SCAI: variants seen among roughly 807,000 people sequenced by gnomAD.
SCAI encodes protein SCAI.
A neutral mutation model predicts 92.2 loss-of-function variants in SCAI; 24 were observed. The observed-to-expected ratio is 0.26, with a 90% CI of 0.19 to 0.37. The LOEUF (loss-of-function observed/expected upper bound fraction) is 0.37, where lower values mean the gene tolerates loss of function less well. SCAI is among the 10% of genes least tolerant of loss of function. The pLI, the probability that SCAI is intolerant of heterozygous loss-of-function variation, is 1.00. For synonymous variants in SCAI, 261 were observed against 258.6 expected (o/e 1.01, Z -0.09); for missense variants, 450 against 736.2 (o/e 0.61, Z 4.50).
In SCAI at chr9:124,952,488, A is replaced by G. The variant is rs1307827262; in HGVS notation, c.*319T>C. The G allele has an allele frequency of 5.1e-6, 1 of 196,312 alleles. No individual in the cohort carries two copies. 12.2% of individuals were successfully genotyped at this position (196,312 alleles called of 1,614,324 possible). A position where few individuals can be genotyped will look rare whatever the true frequency, so the allele number is the denominator to read the frequency against. ...ATAAGAGTTGGATTTACCTCATTAT[A>G]CAAAAATAAATGATTTACTCTTCTC... On this transcript the variant is annotated 3_prime_UTR_variant, in exon 18 of 18. Transcript: ENST00000336505.
Position 124,946,434 on chromosome 9 carries a change from A to C in SCAI, c.*6373T>G, listed in dbSNP as rs1831146044. 6.6e-6 allele frequency: 1 copy of C among 152,220 alleles called. No individual in the cohort carries two copies. The allele number at this position is 152,220 out of a possible 1,614,324, so 9.4% of individuals were successfully genotyped here. ...TGAGATAATTTCTCTATTTTAAGAT[A>C]ATATTGGATCAGATAGATTTAATCT... On this transcript the variant is annotated 3_prime_UTR_variant, in exon 18 of 18. Transcript: ENST00000336505. The surrounding 1 kb of genome is among the most constrained non-coding windows in gnomAD (Gnocchi z 4.0).
chr9:125,047,005 C>A (rs1833456824), intron 3 of SCAI, among the ~76,000 whole-genome samples: 1 of 152,098 alleles, frequency 6.6e-6, no homozygotes, highest in East Asian at 1.9e-4. Context: ...ACCTTCCCAA[C>A]ACAGGCAGAA....
At chr9:125,081,896 A>G (rs1834226534) in intron 2 of SCAI, among the ~76,000 whole-genome samples, 1 of 152,198 alleles carries the variant, frequency 6.6e-6, no homozygotes, top group African/African-American at 2.4e-5. Context: ...TAAGGGAAGA[A>G]GAACATAAAA....
intron 3 of SCAI, among the ~76,000 whole-genome samples, chr9:125,051,598 C>T (rs1334214432): frequency 6.6e-6 from 1 of 152,102 alleles, no homozygotes; most frequent in Non-Finnish European, 1.5e-5. Context: ...ATAATGTGAT[C>T]ATTACAATGG....
chr9:124,977,120 C>T (rs1199342543), intron 14 of SCAI, among the ~76,000 whole-genome samples: 5 of 152,094 alleles, frequency 3.3e-5, no homozygotes, highest in African/African-American at 1.2e-4. Flanking sequence ...CCACCCACCT[C>T]GGCCTCCCAA....
chr9:125,078,603 T>C (rs1834144649), intron 2 of SCAI, among the ~76,000 whole-genome samples: 1 of 152,030 alleles, frequency 6.6e-6, no homozygotes, highest in Admixed American at 6.6e-5. Flanking sequence ...ACCACCCCTA[T>C]ACTGCCAGCA....
intron 2 of SCAI, among the ~76,000 whole-genome samples, chr9:125,101,383 T>C (rs2131213548): frequency 6.6e-6 from 1 of 151,350 alleles, no homozygotes; most frequent in East Asian, 1.9e-4. Flanking sequence ...GAGTGGAAAA[T>C]AGTTAAATGC....
chr9:125,022,113 GATAT>G (rs1400763134), intron 6 of SCAI, among the ~76,000 whole-genome samples: 1 of 151,828 alleles, frequency 6.6e-6, no homozygotes, highest in Non-Finnish European at 1.5e-5. Flanking sequence ...TTCTTGTCTT[GATAT>G]ATAAATTATT....
At chr9:124,968,825 G>T (rs1423014979) in intron 17 of SCAI, 4 of 672,154 alleles carry the variant, frequency 6.0e-6, no homozygotes, top group Non-Finnish European at 1.1e-5. Context: ...CATAGAGCGG[G>T]GCCAATTCTG....
At chr9:125,002,076 A>C in intron 11 of SCAI, 33 bp from the exon 12 acceptor site, 1 of 1,390,994 alleles carries the variant, frequency 7.2e-7, no homozygotes, top group Non-Finnish European at 1.0e-6. Flanking sequence ...ACACAAAACA[A>C]CAAACAAGGA....
At position 125,130,341 on chromosome 9, in the gene SCAI, T is replaced by C. The variant is rs538740104; in HGVS notation, c.98+12292A>G. On this transcript the variant is annotated intron_variant, in intron 2 of 17. Transcript: ENST00000336505. ...GGAAAAACTGGTCAGTGGTTGCCAA[T>C]TGGTCGGGGGGACAGAAGGGAATTT... Among the ~76,000 whole-genome samples the C allele has an allele frequency of 2.3e-4, 35 of 152,212 alleles. No individual in the cohort carries two copies. The South Asian group carries it at 6.4e-3, about 28-fold the overall frequency.
At chr9:124,971,135 A>G (rs1241286832) in intron 17 of SCAI, 1 of 245,498 alleles carries the variant, frequency 4.1e-6, no homozygotes, top group Non-Finnish European at 7.7e-6. Context: ...CTACTTTTAA[A>G]CAAACGATAG....
Position 125,072,782 on chromosome 9 carries a change from T to C in SCAI, c.99-16775A>G, listed in dbSNP as rs62580560. Among the ~76,000 whole-genome samples, 1,064 of 152,324 alleles carry C rather than the reference T, an allele frequency of 7.0e-3. 8 individuals are homozygous for C. Among genetic ancestry groups the C allele is most frequent in the Non-Finnish European group, 0.01 (696 of 68,034 alleles). On this transcript the variant is annotated intron_variant, in intron 2 of 17. Transcript: ENST00000336505. ...AGAATATCATGTAAGTGGAATCATATAGTATTTGTCTTTTTGTGTCCAGCT... is the reference window on the plus strand; with the variant it reads ...AGAATATCATGTAAGTGGAATCATACAGTATTTGTCTTTTTGTGTCCAGCT...
chr9:125,042,636 C>CGTGTGTGT, intron 3 of SCAI, among the ~76,000 whole-genome samples: 1 of 61,956 alleles, frequency 1.6e-5, no homozygotes, highest in East Asian at 4.6e-4. Flanking sequence ...TGTGTGTGTA[C>CGTGTGTGT]ACACACACAC....
intron 17 of SCAI, 52 bp from the exon 18 acceptor site, chr9:124,953,005 T>C (rs1198192179): frequency 2.1e-5 from 30 of 1,433,836 alleles, no homozygotes; most frequent in African/African-American, 5.6e-5. Context: ...TGAAAGAAAA[T>C]TATACACATT....
chr9:124,991,994 C>G (rs1041377929), intron 14 of SCAI, among the ~76,000 whole-genome samples: 3 of 152,096 alleles, frequency 2.0e-5, no homozygotes, highest in Non-Finnish European at 4.4e-5. Flanking sequence ...GCAGCTCATG[C>G]ATCTTTGAAC....
chr9:125,116,208 A>T (rs577043164), intron 2 of SCAI, among the ~76,000 whole-genome samples: 4 of 152,300 alleles, frequency 2.6e-5, no homozygotes, highest in Admixed American at 2.6e-4. Flanking sequence ...TTAAAAAAAA[A>T]GTATACATGT....
chr9:124,976,198 A>G lies in SCAI; in HGVS notation c.1327-12T>C. The G allele has an allele frequency of 6.4e-7, 1 of 1,560,836 alleles. No individual in the cohort carries two copies. Among genetic ancestry groups the G allele is most frequent in the Non-Finnish European group, 8.8e-7 (1 of 1,132,044 alleles). ...AAGTTTGTGAAATTCTGTAATATATAAGAATTTAAAACTTGCATTAAAGAT... is the reference window on the plus strand; with the variant it reads ...AAGTTTGTGAAATTCTGTAATATATGAGAATTTAAAACTTGCATTAAAGAT... On this transcript the variant is annotated splice_polypyrimidine_tract_variant and intron_variant, in intron 14 of 17. Coordinates refer to ENST00000336505, the MANE Select transcript of SCAI (RefSeq NM_001144877.3).
intron 6 of SCAI, among the ~76,000 whole-genome samples, chr9:125,021,576 A>G (rs1185447941): frequency 6.6e-6 from 1 of 152,234 alleles, no homozygotes; most frequent in Admixed American, 6.5e-5. Context: ...CTGTTCACAC[A>G]TAACACTTTA....
Sources: gnomAD v4.1 joint callset for allele counts (sites outside exome capture counted in the v4.1 genomes callset) on GRCh38, gnomAD v4.1.1 for gene constraint, Gnocchi (gnomAD v3.1) non-coding constraint, MANE v1.5 for transcripts, NCBI Gene and HGNC (gene_info 2026-07-23, HGNC 2026-07-21) for gene names.